The following SEMA6A variants were observed in gnomAD, a reference collection of about 807,000 sequenced individuals.
SEMA6A encodes the protein semaphorin 6A.
SEMA6A carries 25 observed loss-of-function variants against 96.8 expected under a neutral mutation model. The observed-to-expected ratio is 0.26, with a 90% confidence interval of 0.19 to 0.36. The LOEUF (loss-of-function observed/expected upper bound fraction) is 0.36. Ranked by LOEUF, SEMA6A falls within the 10% of genes least tolerant of loss-of-function variation. The pLI, the probability that SEMA6A is intolerant of heterozygous loss-of-function variation, is 1.00. For synonymous variants in SEMA6A, 612 were observed against 518.0 expected, an observed-to-expected ratio of 1.18 and a Z score of -2.46; for missense variants, 1,363 against 1,323.1, an observed-to-expected ratio of 1.03 and a Z score of -0.47.
chr5:116,491,252 A>G (rs1171300309), intron 7 of SEMA6A, among the ~76,000 whole-genome samples: 1 of 152,142 alleles, frequency 6.6e-6, no homozygotes, highest in Non-Finnish European at 1.5e-5. Context: ...TGGGGCTGGC[A>G]GTCATCCTCT....
chr5:116,486,583 A>T, intron 10 of SEMA6A, 166 bp downstream of exon 10: 1 of 610,094 alleles, frequency 1.6e-6, no homozygotes, highest in Admixed American at 3.1e-5. Flanking sequence ...AGTGCTTATA[A>T]ACTACTTTTA....
chr5:116,476,704 T>C (rs989293228), intron 15 of SEMA6A, among the ~76,000 whole-genome samples: 7 of 152,216 alleles, frequency 4.6e-5, no homozygotes, highest in South Asian at 2.1e-4. Context: ...ATGTTGAACA[T>C]AGAAAGGACA....
At chr5:116,503,039 A>G (rs985223535) in intron 2 of SEMA6A, among the ~76,000 whole-genome samples, 1 of 152,088 alleles carries the variant, frequency 6.6e-6, no homozygotes, top group Admixed American at 6.5e-5. Flanking sequence ...CTCTTTTCCT[A>G]CACTTCTCTT....
intron 17 of SEMA6A, chr5:116,471,755 C>G (rs2112664225): frequency 6.6e-6 from 1 of 152,308 alleles, no homozygotes. Context: ...ATAAGCCAGT[C>G]TTTAAGATAT....
chr5:116,540,022 T>C (rs1415959036), intron 1 of SEMA6A, among the ~76,000 whole-genome samples: 1 of 152,166 alleles, frequency 6.6e-6, no homozygotes, highest in African/African-American at 2.4e-5. Context: ...TTCCTTTCAT[T>C]GCAAGTTCTT....
At chr5:116,503,584 T>C (rs1488556906) in intron 2 of SEMA6A, among the ~76,000 whole-genome samples, 1 of 151,496 alleles carries the variant, frequency 6.6e-6, no homozygotes, top group Non-Finnish European at 1.5e-5. Context: ...TGATCTCGGC[T>C]TACTACACTC....
In SEMA6A at chr5:116,447,830, A is replaced by G. The variant is rs199860787; in HGVS notation, c.1895-19T>C. On this transcript the variant is annotated intron_variant, in intron 18 of 18. Coordinates refer to ENST00000343348, the MANE Select transcript of SEMA6A (RefSeq NM_020796.5). ...ATCACTCCTGCAATAGACATCGCAT[A>G]TGGCGTTAAGAAATGAAAGCACACC... The G allele has an allele frequency of 4.9e-5, 76 of 1,548,238 alleles. No individual in the cohort carries two copies. The African/African-American group carries it at 1.0e-3, about 21-fold the overall frequency.
chr5:116,466,226 A>C (rs1755742277), intron 18 of SEMA6A, among the ~76,000 whole-genome samples: 1 of 151,774 alleles, frequency 6.6e-6, no homozygotes, highest in Non-Finnish European at 1.5e-5. Context: ...AAAAATACAA[A>C]AATTAGCCGG....
intron 18 of SEMA6A, among the ~76,000 whole-genome samples, chr5:116,465,695 T>C (rs545138346): frequency 6.6e-6 from 1 of 152,208 alleles, no homozygotes; most frequent in East Asian, 1.9e-4. Flanking sequence ...CCTCCATTCC[T>C]TGGGGGGAGT....
chr5:116,496,641 G>T (rs1260045980), intron 4 of SEMA6A, among the ~76,000 whole-genome samples: 4 of 152,146 alleles, frequency 2.6e-5, no homozygotes, highest in Non-Finnish European at 5.9e-5. Context: ...TGCTCATTTG[G>T]ATAAAATATA....
At chr5:116,460,650 A>G (rs1486587787) in intron 18 of SEMA6A, among the ~76,000 whole-genome samples, 1 of 152,210 alleles carries the variant, frequency 6.6e-6, no homozygotes, top group Non-Finnish European at 1.5e-5. Context: ...TGTATCTGCA[A>G]TTCAAATAAA....
At chr5:116,503,951 T>C (rs940105035) in intron 2 of SEMA6A, among the ~76,000 whole-genome samples, 6 of 152,210 alleles carry the variant, frequency 3.9e-5, no homozygotes, top group Non-Finnish European at 8.8e-5. Context: ...AACTACACAT[T>C]TGGTCTTAAT....
At chr5:116,495,566 G>C in intron 5 of SEMA6A, 52 bp from the exon 6 acceptor site, 1 of 1,290,788 alleles carries the variant, frequency 7.7e-7, no homozygotes, top group Non-Finnish European at 1.1e-6. Context: ...TACAGAAACT[G>C]ATTCTTCACT....
At chr5:116,542,837 T>G (rs901084638) in intron 1 of SEMA6A, among the ~76,000 whole-genome samples, 5 of 152,206 alleles carry the variant, frequency 3.3e-5, no homozygotes, top group Non-Finnish European at 7.3e-5. Flanking sequence ...AGGACTATTC[T>G]GTTTGCTTCA....
At chr5:116,533,693 C>T (rs1200651432) in intron 1 of SEMA6A, among the ~76,000 whole-genome samples, 5 of 152,192 alleles carry the variant, frequency 3.3e-5, no homozygotes, top group Admixed American at 3.3e-4. Context: ...TCTCAGTATC[C>T]TGAGGTAGCT....
At chr5:116,461,400 T>C (rs1755387413) in intron 18 of SEMA6A, among the ~76,000 whole-genome samples, 1 of 151,320 alleles carries the variant, frequency 6.6e-6, no homozygotes. Flanking sequence ...CTCTCACATT[T>C]AAAAACGACT....
At chr5:116,532,040 C>G (rs990889799) in intron 1 of SEMA6A, among the ~76,000 whole-genome samples, 1 of 152,188 alleles carries the variant, frequency 6.6e-6, no homozygotes, top group African/African-American at 2.4e-5. Flanking sequence ...CTCCCTTGTT[C>G]AAGTGTGCTC....
intron 1 of SEMA6A, among the ~76,000 whole-genome samples, chr5:116,553,529 T>C (rs1407686214): frequency 2.0e-5 from 3 of 152,058 alleles, no homozygotes; most frequent in Non-Finnish European, 4.4e-5. Context: ...ATGGGGAAAA[T>C]AGGAAGGCAT....
chr5:116,465,434 C>G (rs1408799243), intron 18 of SEMA6A, among the ~76,000 whole-genome samples: 1 of 152,194 alleles, frequency 6.6e-6, no homozygotes, highest in Non-Finnish European at 1.5e-5. Flanking sequence ...TTCTGCACAA[C>G]AACTCATTGG....
Sources: allele counts gnomAD v4.1 joint callset (sites outside exome capture counted in the v4.1 genomes callset), GRCh38; gene constraint gnomAD v4.1.1; transcripts MANE v1.5; gene names NCBI Gene and HGNC (gene_info 2026-07-23, HGNC 2026-07-21).